The following COQ10B variants were observed in gnomAD, a reference collection of about 807,000 sequenced individuals.
COQ10B encodes the protein coenzyme Q-binding protein COQ10 homolog B, mitochondrial.
A neutral mutation model predicts 27.6 loss-of-function variants in COQ10B; 12 were observed. The observed-to-expected ratio is 0.43, with a 90% CI of 0.28 to 0.70. The LOEUF (loss-of-function observed/expected upper bound fraction) is 0.70, where lower values mean the gene tolerates loss of function less well. COQ10B is among the 30% of genes least tolerant of loss of function. The pLI, the probability that COQ10B is intolerant of heterozygous loss-of-function variation, is 0.17. For synonymous variants in COQ10B, 115 were observed against 103.0 expected, an observed-to-expected ratio of 1.12 and a Z score of -0.71; for missense variants, 278 against 288.7, an observed-to-expected ratio of 0.96 and a Z score of 0.27.
intron 3 of COQ10B, among the ~76,000 whole-genome samples, chr2:197,467,977 G>T (rs1484861447): frequency 6.6e-6 from 1 of 152,180 alleles, no homozygotes; most frequent in Non-Finnish European, 1.5e-5. Context: ...AGTTCACTCA[G>T]AACAGTCAGT....
chr2:197,463,994 TATACACACAC>T (rs1174164001), intron 3 of COQ10B, among the ~76,000 whole-genome samples: 17 of 50,862 alleles, frequency 3.3e-4, no homozygotes, highest in African/African-American at 1.1e-3. Context: ...TATATATATA[TATACACACAC>T]ACACACACAC....
chr2:197,469,125 C>A (rs779191842), intron 3 of COQ10B, among the ~76,000 whole-genome samples: 1 of 152,244 alleles, frequency 6.6e-6, no homozygotes, highest in African/African-American at 2.4e-5. Flanking sequence ...GCCTCAGTCT[C>A]CTGGGCTCAA....
chr2:197,461,532 T>C (rs145104143), intron 2 of COQ10B, among the ~76,000 whole-genome samples: 2 of 149,856 alleles, frequency 1.3e-5, no homozygotes, highest in African/African-American at 4.9e-5. Context: ...AAAAGAGAAA[T>C]GGCAACTAAA....
At chr2:197,460,158 C>A in intron 2 of COQ10B, 77 bp downstream of exon 2, 1 of 979,022 alleles carries the variant, frequency 1.0e-6, no homozygotes, top group Non-Finnish European at 1.5e-6. Context: ...GCCTCTTTCT[C>A]TCTGGATTAT....
intron 3 of COQ10B, among the ~76,000 whole-genome samples, chr2:197,463,048 A>G (rs2085778777): frequency 6.6e-6 from 1 of 152,224 alleles, no homozygotes; most frequent in African/African-American, 2.4e-5. Flanking sequence ...GTTTTAAAAT[A>G]TGAATTAAAT....
intron 3 of COQ10B, 137 bp from the exon 4 acceptor site, chr2:197,469,933 A>T (rs1020286780): frequency 8.6e-6 from 4 of 466,414 alleles, no homozygotes; most frequent in Non-Finnish European, 1.5e-5. Flanking sequence ...TAAAAATTAG[A>T]TATCTTTATC....
chr2:197,454,313 A>T, intron 1 of COQ10B: 1 of 540,546 alleles, frequency 1.8e-6, no homozygotes, highest in Non-Finnish European at 3.2e-6. Context: ...TACTTGTACG[A>T]CTTAGTTTCC....
At chr2:197,464,155 C>A (rs1487968018) in intron 3 of COQ10B, among the ~76,000 whole-genome samples, 5 of 150,086 alleles carry the variant, frequency 3.3e-5, no homozygotes, top group Non-Finnish European at 7.4e-5. Context: ...GAAATGCCAA[C>A]TGCTCTTACA....
At chr2:197,467,647 G>T (rs1326758294) in intron 3 of COQ10B, among the ~76,000 whole-genome samples, 1 of 152,146 alleles carries the variant, frequency 6.6e-6, no homozygotes, top group East Asian at 1.9e-4. Flanking sequence ...AAAGTGCTGG[G>T]ATTACAGGCA....
chr2:197,459,395 G>A (rs2085733255), intron 1 of COQ10B, among the ~76,000 whole-genome samples: 1 of 152,076 alleles, frequency 6.6e-6, no homozygotes, highest in Non-Finnish European at 1.5e-5. Context: ...CAAACTCCTG[G>A]CCTCAAGGGA....
chr2:197,472,167 G>T (rs113290167), intron 4 of COQ10B, among the ~76,000 whole-genome samples: 1 of 151,000 alleles, frequency 6.6e-6, no homozygotes, highest in African/African-American at 2.4e-5. Context: ...AAATTATTTC[G>T]TAATGAAAGA....
intron 1 of COQ10B, among the ~76,000 whole-genome samples, chr2:197,458,573 C>T (rs2085724082): frequency 6.6e-6 from 1 of 152,070 alleles, no homozygotes; most frequent in Non-Finnish European, 1.5e-5. Context: ...AGAATAGGAG[C>T]TCAGTAAATA....
intron 1 of COQ10B, chr2:197,454,022 C>T (rs1559289731): frequency 6.4e-7 from 1 of 1,551,140 alleles, no homozygotes; most frequent in African/African-American, 1.4e-5. Flanking sequence ...TTGCCGGCTG[C>T]TGGCTGTATG....
intron 2 of COQ10B, 55 bp downstream of exon 2, chr2:197,460,136 G>C (rs187709462): frequency 1.0e-5 from 13 of 1,255,900 alleles, no homozygotes; most frequent in African/African-American, 7.6e-5. Context: ...TTTCCGTGGG[G>C]TATCGTGTTG....
At position 197,464,819 on chromosome 2, in the gene COQ10B, T is replaced by C. The variant is rs553085013; in HGVS notation, c.447+2088T>C. Among the ~76,000 whole-genome samples the C allele has an allele frequency of 8.7e-5, 13 of 149,056 alleles. No homozygotes were observed. The South Asian group carries it at 2.8e-3, about 32-fold the overall frequency. ...CCAGTGAATATTTCTATAATCTTAA[T>C]TTTTTTTTTCTATTTCCTGAGCTCA... On this transcript the variant is annotated intron_variant, in intron 3 of 4. Coordinates refer to ENST00000263960, the MANE Select transcript of COQ10B (RefSeq NM_025147.5).
chr2:197,472,454 C>CAAG (rs2085887709), intron 4 of COQ10B, among the ~76,000 whole-genome samples: 1 of 151,812 alleles, frequency 6.6e-6, no homozygotes, highest in Non-Finnish European at 1.5e-5. Context: ...AAAACAACAA[C>CAAG]AACTACAAAA....
Position 197,474,817 on chromosome 2 carries a change from C to CTTTTTTTTT in COQ10B, c.*902_*910dup, listed in dbSNP as rs10640829. The CTTTTTTTTT allele has an allele frequency of 7.5e-6, 1 of 133,266 alleles. No individual in the cohort carries two copies. The highest frequency in any genetic ancestry group is 1.6e-5 in the Non-Finnish European group (1 of 61,916). The allele number at this position is 133,266 out of a possible 1,614,324, so 8.3% of individuals were successfully genotyped here. A position where few individuals can be genotyped will look rare whatever the true frequency, so the allele number is the denominator to read the frequency against. ...TCCCAGATAAACAGTGTATTTTCTT[C>CTTTTTTTTT]TTTTTTTTTTTTTTTTTGGTGAGTG... On this transcript the variant is annotated 3_prime_UTR_variant, in exon 5 of 5. Transcript: ENST00000263960.
At position 197,472,637 on chromosome 2, in the gene COQ10B, C is replaced by G. The variant is rs557584644; in HGVS notation, c.550-1120C>G. Among the ~76,000 whole-genome samples, 32 of 152,098 alleles carry G rather than the reference C, an allele frequency of 2.1e-4. No homozygotes were observed. The South Asian group carries it at 6.2e-3, about 30-fold the overall frequency. On this transcript the variant is annotated intron_variant, in intron 4 of 4. Coordinates refer to ENST00000263960, the MANE Select transcript of COQ10B (RefSeq NM_025147.5). ...TGGCCAACATGGTGAAACCCCGTCTCTACTGAAAATACAAAAATTAACTGG... is the reference window on the plus strand; with the variant it reads ...TGGCCAACATGGTGAAACCCCGTCTGTACTGAAAATACAAAAATTAACTGG...
intron 2 of COQ10B, among the ~76,000 whole-genome samples, chr2:197,462,194 G>C (rs1025111598): frequency 1.3e-5 from 2 of 151,446 alleles, no homozygotes; most frequent in African/African-American, 4.9e-5. Context: ...GCTTGAACCC[G>C]GGAGGTGGAG....
Sources: gnomAD v4.1 joint callset for allele counts (sites outside exome capture counted in the v4.1 genomes callset) on GRCh38, gnomAD v4.1.1 for gene constraint, MANE v1.5 for transcripts, NCBI Gene and HGNC (gene_info 2026-07-23, HGNC 2026-07-21) for gene names.